The following HERC1 variants were observed in gnomAD, a reference collection of about 807,000 sequenced individuals.
HERC1 encodes probable E3 ubiquitin-protein ligase HERC1.
A neutral mutation model predicts 554.3 loss-of-function variants in HERC1; 160 were observed. The observed-to-expected ratio is 0.29, with a 90% CI of 0.25 to 0.33. HERC1 has a LOEUF of 0.33. Among genes scored for constraint, HERC1 ranks in the 10% least tolerant of loss-of-function variants. The probability of loss-of-function intolerance (pLI) is 1.00; values close to 1 mark genes in which losing one functional copy is unlikely to be tolerated. For synonymous variants in HERC1, 2,175 were observed against 2,131.7 expected (o/e 1.02, Z -0.56); for missense variants, 4,919 against 5,918.5 (o/e 0.83, Z 5.54).
intron 8 of HERC1, among the ~76,000 whole-genome samples, chr15:63,751,844 T>C (rs2075259088): frequency 6.6e-6 from 1 of 152,154 alleles, no homozygotes; most frequent in Non-Finnish European, 1.5e-5. Flanking sequence ...ATTATTATTA[T>C]TACTATTATT....
intron 43 of HERC1, 148 bp downstream of exon 43, chr15:63,664,322 C>T (rs2070505235): frequency 3.1e-6 from 2 of 645,482 alleles, no homozygotes; most frequent in South Asian, 2.7e-5. Context: ...TATGTAAATG[C>T]ATAGAAAATG....
At position 63,727,371 on chromosome 15, in the gene HERC1, T is replaced by C. The variant is rs982117197; in HGVS notation, c.3346+276A>G. 2.0e-5 allele frequency among the ~76,000 whole-genome samples: 3 copies of C among 152,200 alleles called. No individual in the cohort carries two copies. The highest frequency in any genetic ancestry group is 4.4e-5 in the Non-Finnish European group (3 of 68,030). On this transcript the variant is annotated intron_variant, in intron 17 of 77. Transcript: ENST00000443617. This position sits in a 1 kb window ranked among gnomAD's most constrained non-coding sequence, Gnocchi z 4.3. The stretch of plus-strand genomic sequence containing the variant: ...TTGTAAATTTGACACTTGGACTAAG[T>C]GACACTTGATCACTGAACTGTATAA...
At chr15:63,824,466 A>G (rs962100775) in intron 1 of HERC1, among the ~76,000 whole-genome samples, 12 of 151,020 alleles carry the variant, frequency 7.9e-5, no homozygotes, top group African/African-American at 2.9e-4. Context: ...CCCGGGAGGC[A>G]GAGGTTGCAG....
At chr15:63,640,059 C>T (rs2068968642) in intron 61 of HERC1, 93 bp downstream of exon 61, 3 of 1,192,766 alleles carry the variant, frequency 2.5e-6, no homozygotes, top group Non-Finnish European at 3.6e-6. Context: ...TCTAGCCATG[C>T]ATACCAGCAA....
intron 57 of HERC1, among the ~76,000 whole-genome samples, chr15:63,644,497 TTG>T (rs1471799819): frequency 2.6e-5 from 4 of 151,714 alleles, no homozygotes; most frequent in African/African-American, 9.8e-5. Context: ...GTAAGCTTCT[TTG>T]TTTTTTTTTT....
intron 1 of HERC1, among the ~76,000 whole-genome samples, chr15:63,829,502 A>T: frequency 8.6e-6 from 1 of 115,976 alleles, no homozygotes. Flanking sequence ...ATATATATAC[A>T]CACACACACA....
intron 74 of HERC1, among the ~76,000 whole-genome samples, chr15:63,622,113 T>C (rs1370456245): frequency 1.3e-5 from 2 of 152,188 alleles, no homozygotes; most frequent in African/African-American, 4.8e-5. Flanking sequence ...AATATAAAGA[T>C]AGTATGTAAT....
At chr15:63,704,540 T>C (rs1458605048) in intron 25 of HERC1, among the ~76,000 whole-genome samples, 1 of 152,184 alleles carries the variant, frequency 6.6e-6, no homozygotes, top group Non-Finnish European at 1.5e-5. Context: ...TATACATTTA[T>C]TAATATAACA....
At chr15:63,735,467 C>T (rs2074461610) in intron 12 of HERC1, among the ~76,000 whole-genome samples, 1 of 150,804 alleles carries the variant, frequency 6.6e-6, no homozygotes, top group African/African-American at 2.4e-5. Context: ...ATAGGTGCAG[C>T]ACACCAACAT....
At chr15:63,719,241 A>G (rs1470281830) in intron 19 of HERC1, among the ~76,000 whole-genome samples, 1 of 152,254 alleles carries the variant, frequency 6.6e-6, no homozygotes, top group Non-Finnish European at 1.5e-5. Context: ...ACTATTTTAT[A>G]TAAGGTGGTC....
chr15:63,611,400 T>C (rs941799701), intron 77 of HERC1, among the ~76,000 whole-genome samples: 4 of 152,220 alleles, frequency 2.6e-5, no homozygotes, highest in Admixed American at 1.3e-4. Flanking sequence ...CTTTTCAGAC[T>C]CTAAGCCCTC....
At chr15:63,621,693 T>C (rs1595835729) in intron 74 of HERC1, among the ~76,000 whole-genome samples, 3 of 152,336 alleles carry the variant, frequency 2.0e-5, no homozygotes, top group Admixed American at 2.0e-4. Context: ...TCGTTTCTTT[T>C]TATTCTTTTT....
chr15:63,643,761 T>C (rs1195761710), intron 57 of HERC1, among the ~76,000 whole-genome samples: 2 of 152,204 alleles, frequency 1.3e-5, no homozygotes, highest in African/African-American at 2.4e-5. Flanking sequence ...TTTTAAAAAA[T>C]ATATTTCTAA....
intron 12 of HERC1, among the ~76,000 whole-genome samples, chr15:63,742,261 G>A (rs1000420425): frequency 3.3e-5 from 5 of 152,034 alleles, no homozygotes; most frequent in African/African-American, 9.7e-5. Context: ...ACATAAACTT[G>A]TTTCCTTAAT....
chr15:63,716,498 A>G, intron 21 of HERC1, 25 bp from the exon 22 acceptor site: 1 of 1,537,748 alleles, frequency 6.5e-7, no homozygotes, highest in African/African-American at 1.4e-5. Flanking sequence ...CAGAAACTAC[A>G]CTAAATACAT....
At chr15:63,632,917 T>C (rs1172778858) in intron 67 of HERC1, 106 bp from the exon 68 acceptor site, 19 of 736,728 alleles carry the variant, frequency 2.6e-5, no homozygotes, top group Non-Finnish European at 9.0e-6. Context: ...AAAATACTAA[T>C]TGTCACTTAC....
At chr15:63,653,167 G>A (rs185317539) in intron 51 of HERC1, among the ~76,000 whole-genome samples, 6 of 152,296 alleles carry the variant, frequency 3.9e-5, no homozygotes, top group East Asian at 1.9e-4. Flanking sequence ...TAGGCCAGGT[G>A]CAGTGGCTCA....
At chr15:63,793,559 T>A (rs765821924) in intron 1 of HERC1, among the ~76,000 whole-genome samples, 11 of 152,226 alleles carry the variant, frequency 7.2e-5, no homozygotes, top group African/African-American at 2.7e-4. Context: ...TTGTTTAGTA[T>A]ATAATCAAGA....
intron 67 of HERC1, 38 bp downstream of exon 67, chr15:63,633,810 T>C (rs1566957400): frequency 6.3e-7 from 1 of 1,598,210 alleles, no homozygotes. Context: ...GAAAACTATT[T>C]ATGTTGTCTG....
Sources: allele counts gnomAD v4.1 joint callset (sites outside exome capture counted in the v4.1 genomes callset), GRCh38; gene constraint gnomAD v4.1.1; non-coding constraint Gnocchi (gnomAD v3.1); transcripts MANE v1.5; gene names NCBI Gene and HGNC (gene_info 2026-07-23, HGNC 2026-07-21).